CATSPERD: variants seen among roughly 807,000 people sequenced by gnomAD.
CATSPERD encodes cation channel sperm-associated auxiliary subunit delta.
In CATSPERD, 86 loss-of-function variants were observed where a neutral mutation model predicts 98.1. The ratio of observed to expected loss-of-function variants is 0.88; its 90% CI spans 0.74 to 1.05. The LOEUF (loss-of-function observed/expected upper bound fraction) is 1.05. Ranked by LOEUF, CATSPERD falls within the 50% of genes least tolerant of loss-of-function variation. The pLI is 0.00. For missense variants in CATSPERD, 995 were observed against 1,005.7 expected (o/e 0.99, Z 0.14); for synonymous variants, 394 against 390.2 (o/e 1.01, Z -0.12).
At chr19:5,744,558 C>A in intron 8 of CATSPERD, 48 bp downstream of exon 8, 1 of 1,379,958 alleles carries the variant, frequency 7.2e-7, no homozygotes, top group Non-Finnish European at 1.0e-6. Context: ...TTTGCCCAAG[C>A]CCAGGTTTTT....
intron 17 of CATSPERD, among the ~76,000 whole-genome samples, chr19:5,766,854 G>A (rs1471689210): frequency 6.6e-6 from 1 of 151,382 alleles, no homozygotes; most frequent in Non-Finnish European, 1.5e-5. Flanking sequence ...TACCATGCCT[G>A]GCTAATTTTT....
intron 19 of CATSPERD, among the ~76,000 whole-genome samples, chr19:5,771,464 C>T (rs1426823087): frequency 6.6e-6 from 1 of 152,178 alleles, no homozygotes; most frequent in Non-Finnish European, 1.5e-5. Context: ...TCTTGAACTC[C>T]TGACCTCAGA....
In CATSPERD at chr19:5,742,201, CAT is replaced by C. The variant is rs1266127336; in HGVS notation, c.574-2225_574-2224del. 3.8e-4 allele frequency among the ~76,000 whole-genome samples: 44 copies of C among 117,026 alleles called. 1 individual carries two copies. Among genetic ancestry groups the C allele is most frequent in the African/African-American group, 1.2e-3 (38 of 31,996 alleles). 76.8% of individuals were successfully genotyped at this position (117,026 alleles called of 152,430 possible). On this transcript the variant is annotated intron_variant, in intron 7 of 21. Coordinates refer to ENST00000381624, the MANE Select transcript of CATSPERD (RefSeq NM_152784.4). ...ATGTATGTGAACGTGTGTGCGTGTACATGTGTGCATGTGTGTACATGTGTGTG... is the reference window on the plus strand; with the variant it reads ...ATGTATGTGAACGTGTGTGCGTGTACGTGTGCATGTGTGTACATGTGTGTG...
At chr19:5,737,265 T>C (rs376297746) in intron 6 of CATSPERD, 60 bp downstream of exon 6, 5 of 1,171,556 alleles carry the variant, frequency 4.3e-6, no homozygotes, top group South Asian at 1.3e-5. Flanking sequence ...CAAATAATCA[T>C]GAGTAGACAT....
chr19:5,755,360 A>T (rs1170463640), intron 13 of CATSPERD, among the ~76,000 whole-genome samples: 1 of 152,292 alleles, frequency 6.6e-6, no homozygotes, highest in East Asian at 1.9e-4. Flanking sequence ...TGAGTATTAT[A>T]CTCAATATAT....
At chr19:5,743,774 G>C (rs2056043289) in intron 7 of CATSPERD, among the ~76,000 whole-genome samples, 1 of 151,094 alleles carries the variant, frequency 6.6e-6, no homozygotes, top group Admixed American at 6.6e-5. Context: ...ATGGAAATCT[G>C]TCTCACTATC....
intron 6 of CATSPERD, 101 bp from the exon 7 acceptor site, chr19:5,739,225 G>GT: frequency 2.8e-6 from 2 of 720,600 alleles, no homozygotes; most frequent in East Asian, 2.6e-5. Flanking sequence ...AGACATCCAG[G>GT]TTTTTTTCAG....
chr19:5,773,027 C>T (rs1276906905), intron 20 of CATSPERD, 62 bp downstream of exon 20: 41 of 1,515,762 alleles, frequency 2.7e-5, no homozygotes, highest in Admixed American at 3.7e-5. Context: ...TGGGAGAGTG[C>T]GTGAGGACAC....
intron 15 of CATSPERD, among the ~76,000 whole-genome samples, chr19:5,760,073 CAAAAAAAAAAA>C (rs60075484): frequency 3.3e-4 from 16 of 48,522 alleles, no homozygotes; most frequent in South Asian, 1.2e-3. Flanking sequence ...GACTCCATCT[CAAAAAAAAAAA>C]AAAAAAAAAA....
At position 5,757,939 on chromosome 19, in the gene CATSPERD, C is replaced by T. The variant is rs754541069; in HGVS notation, c.1368+7C>T. The T allele has an allele frequency of 2.1e-5, 34 of 1,608,966 alleles. No individual in the cohort carries two copies. The African/African-American group carries it at 2.1e-4, about 10-fold the overall frequency. On this transcript the variant is annotated splice_region_variant and intron_variant, in intron 14 of 21. Transcript: ENST00000381624. ...GAACACCAAGTACAAACTGGTGAGC[C>T]GCGTCCCCACCAAACCCTGTCGCCT...
At chr19:5,738,781 G>A (rs1044606299) in intron 6 of CATSPERD, among the ~76,000 whole-genome samples, 3 of 152,140 alleles carry the variant, frequency 2.0e-5, no homozygotes, top group African/African-American at 7.2e-5. Flanking sequence ...TCACCATGTT[G>A]GCCAGACTGG....
rs559877382 is a variant in CATSPERD at position 5,741,790 on chromosome 19, G to T, written c.573+2351G>T. ...GCACTTTGGGATGCTGAAGGCGGGG[G>T]GGGGGGGGTGGTGTGGATCACTTGA... On this transcript the variant is annotated intron_variant, in intron 7 of 21. Transcript: ENST00000381624. Among the ~76,000 whole-genome samples, 12 of 96,862 alleles carry T rather than the reference G, an allele frequency of 1.2e-4. 3 individuals carry two copies. The highest frequency in any genetic ancestry group is 1.2e-3 in the East Asian group (5 of 4,206). 63.5% of individuals were successfully genotyped at this position (96,862 alleles called of 152,430 possible).
intron 9 of CATSPERD, among the ~76,000 whole-genome samples, chr19:5,747,325 C>T (rs1441049020): frequency 6.6e-6 from 1 of 151,668 alleles, no homozygotes; most frequent in African/African-American, 2.4e-5. Context: ...AGGTGCGCCA[C>T]CATGCATAAC....
At chr19:5,775,648 C>CAAAAAAAAA (rs1156270373) in intron 20 of CATSPERD, among the ~76,000 whole-genome samples, 7 of 61,412 alleles carry the variant, frequency 1.1e-4, no homozygotes, top group Admixed American at 2.1e-4. Context: ...AACCCCATCT[C>CAAAAAAAAA]AAAAAAAAAA....
At chr19:5,738,576 C>G (rs2055894838) in intron 6 of CATSPERD, among the ~76,000 whole-genome samples, 1 of 152,052 alleles carries the variant, frequency 6.6e-6, no homozygotes, top group Non-Finnish European at 1.5e-5. Flanking sequence ...TAATAGCCTA[C>G]TGTTGCCTGG....
At chr19:5,764,774 G>A (rs1260382409) in intron 16 of CATSPERD, among the ~76,000 whole-genome samples, 3 of 151,424 alleles carry the variant, frequency 2.0e-5, no homozygotes, top group Non-Finnish European at 2.9e-5. Context: ...CCACCATGCC[G>A]AGCTAATTTT....
At chr19:5,728,038 C>CAAAAAA (rs56411287) in intron 3 of CATSPERD, among the ~76,000 whole-genome samples, 1 of 128,388 alleles carries the variant, frequency 7.8e-6, no homozygotes. Context: ...CCAGTATCTA[C>CAAAAAA]AAAAAAAAAA....
At chr19:5,727,419 C>A in intron 3 of CATSPERD, 75 bp downstream of exon 3, 3 of 1,126,314 alleles carry the variant, frequency 2.7e-6, no homozygotes, top group Non-Finnish European at 4.0e-6. Context: ...ATTCGTTCAA[C>A]AAACAGTAAA....
intron 17 of CATSPERD, among the ~76,000 whole-genome samples, chr19:5,767,234 G>A (rs1345774183): frequency 2.4e-4 from 34 of 141,160 alleles, no homozygotes; most frequent in Middle Eastern, 3.9e-3. Flanking sequence ...GGAGAATGGC[G>A]TGAACCCAGG....
Sources: allele counts gnomAD v4.1 joint callset (sites outside exome capture counted in the v4.1 genomes callset), GRCh38; gene constraint gnomAD v4.1.1; transcripts MANE v1.5; gene names NCBI Gene and HGNC (gene_info 2026-07-23, HGNC 2026-07-21).